Variants in ARAP2 observed in about 807,000 individuals in gnomAD.
ARAP2 encodes arf-GAP with Rho-GAP domain, ANK repeat and PH domain-containing protein 2.
ARAP2 carries 148 observed loss-of-function variants against 194.5 expected under a neutral mutation model. That is an observed-to-expected ratio of 0.76 (90% CI 0.67 to 0.87). ARAP2 has a LOEUF of 0.87. Among genes scored for constraint, ARAP2 ranks in the 40% least tolerant of loss-of-function variants. The probability of loss-of-function intolerance (pLI) is 0.00; values close to 1 mark genes in which losing one functional copy is unlikely to be tolerated. For synonymous variants in ARAP2, 695 were observed against 683.5 expected, an observed-to-expected ratio of 1.02 and a Z score of -0.26; for missense variants, 2,128 against 1,989.7, an observed-to-expected ratio of 1.07 and a Z score of -1.32.
chr4:36,181,416 G>T (rs1045001794), intron 8 of ARAP2, among the ~76,000 whole-genome samples: 2 of 152,022 alleles, frequency 1.3e-5, no homozygotes, highest in African/African-American at 4.8e-5. Context: ...AAAAAAAAGA[G>T]GTTTAAGAAA....
intron 1 of ARAP2, among the ~76,000 whole-genome samples, chr4:36,238,065 C>T (rs1349598815): frequency 6.6e-6 from 1 of 152,170 alleles, no homozygotes; most frequent in East Asian, 1.9e-4. Flanking sequence ...GGTTGTTTGG[C>T]ATCTCTCTCC....
At chr4:36,043,897 A>G (rs531240771) in intron 5 of ARAP2, among the ~76,000 whole-genome samples, 2 of 148,594 alleles carry the variant, frequency 1.3e-5, no homozygotes, top group South Asian at 4.4e-4. Flanking sequence ...GGAAAAAGGG[A>G]GAGGGAAAGA....
chr4:36,023,524 G>T (rs527762020), intron 5 of ARAP2, among the ~76,000 whole-genome samples: 3 of 152,042 alleles, frequency 2.0e-5, no homozygotes, highest in African/African-American at 7.2e-5. Flanking sequence ...ACAGAGAAGT[G>T]CAATAAAGTT....
intron 19 of ARAP2, among the ~76,000 whole-genome samples, chr4:36,135,492 T>A (rs998573978): frequency 3.3e-5 from 5 of 151,784 alleles, no homozygotes; most frequent in African/African-American, 1.2e-4. Context: ...CTTTATCTAT[T>A]GTTTCTATTT....
chr4:36,016,351 G>C (rs1715797344), intron 6 of ARAP2, among the ~76,000 whole-genome samples: 1 of 152,144 alleles, frequency 6.6e-6, no homozygotes, highest in African/African-American at 2.4e-5. Flanking sequence ...GAATAGAAGA[G>C]TATGAAAGCA....
At chr4:36,081,792 C>T (rs1357502340) in intron 30 of ARAP2, among the ~76,000 whole-genome samples, 3 of 151,190 alleles carry the variant, frequency 2.0e-5, no homozygotes, top group African/African-American at 4.9e-5. Context: ...GCTCAGTGAC[C>T]GATTAGACAC....
intron 1 of ARAP2, among the ~76,000 whole-genome samples, chr4:36,230,644 C>A (rs925809849): frequency 3.3e-5 from 5 of 152,166 alleles, no homozygotes; most frequent in African/African-American, 9.7e-5. Flanking sequence ...TATGAAAATG[C>A]ATATGTGCAA....
At chr4:36,056,692 GT>G (rs1313649285) in intron 2 of ARAP2, among the ~76,000 whole-genome samples, 1 of 151,914 alleles carries the variant, frequency 6.6e-6, no homozygotes, top group East Asian at 1.9e-4. Flanking sequence ...AGTGTGACCT[GT>G]TTTTGTCCCT....
In ARAP2 at chr4:36,229,203, A is replaced by G. The variant is rs761896161; in HGVS notation, c.284T>C (p.Val95Ala). The change falls in exon 2 of 33, where the codon GTT becomes GCT. Residue 95 changes from valine to alanine, a missense_variant. By Grantham distance (64) the Val-to-Ala change is moderately conservative (BLOSUM62 0). Coordinates refer to ENST00000303965, the MANE Select transcript of ARAP2 (RefSeq NM_015230.4). Reference protein sequence around the residue: ...KNDDPSKDYHVPSSDQNICIE... With the variant: ...KNDDPSKDYHAPSSDQNICIE... ...GCAGATATTCTGATCAGAAGATGGAACATGGTAATCCTTTGAAGGGTCATC... is the reference window on the plus strand; with the variant it reads ...GCAGATATTCTGATCAGAAGATGGAGCATGGTAATCCTTTGAAGGGTCATC... 3.7e-6 allele frequency: 6 copies of G among 1,614,054 alleles called. No individual in the cohort carries two copies. In the Admixed American group the frequency reaches 1.0e-4, roughly 27 times the overall value.
At chr4:36,121,897 A>G (rs748346094) in intron 22 of ARAP2, among the ~76,000 whole-genome samples, 2 of 151,714 alleles carry the variant, frequency 1.3e-5, no homozygotes, top group Non-Finnish European at 2.9e-5. Context: ...ATGCAATTAC[A>G]TTTTTCTTGG....
chr4:36,227,953 A>G (rs1560718630), intron 2 of ARAP2, among the ~76,000 whole-genome samples: 1 of 152,174 alleles, frequency 6.6e-6, no homozygotes, highest in Non-Finnish European at 1.5e-5. Flanking sequence ...CCTGCGTATA[A>G]GAACCTACAC....
chr4:36,189,477 T>C (rs778664560), intron 7 of ARAP2, among the ~76,000 whole-genome samples: 1 of 152,208 alleles, frequency 6.6e-6, no homozygotes, highest in Non-Finnish European at 1.5e-5. Flanking sequence ...ACAGTCATCC[T>C]ACAGTGCTAT....
chr4:36,176,736 G>A (rs1228122483), intron 9 of ARAP2, among the ~76,000 whole-genome samples: 1 of 152,124 alleles, frequency 6.6e-6, no homozygotes, highest in Non-Finnish European at 1.5e-5. Context: ...AAGAGTGCTT[G>A]ATGATGCCTT....
intron 19 of ARAP2, among the ~76,000 whole-genome samples, chr4:36,145,398 G>A (rs115038070): frequency 1.3e-5 from 2 of 152,078 alleles, no homozygotes; most frequent in Non-Finnish European, 2.9e-5. Flanking sequence ...GCAGCTGAAG[G>A]TCCTTATCCT....
chr4:36,228,548 T>G, intron 2 of ARAP2, 34 bp downstream of exon 2: 1 of 1,512,640 alleles, frequency 6.6e-7, no homozygotes, highest in African/African-American at 1.4e-5. Flanking sequence ...TTTCCTCAAA[T>G]TGAATATTTA....
At chr4:36,075,130 C>T (rs766659270) in intron 31 of ARAP2, among the ~76,000 whole-genome samples, 1 of 152,014 alleles carries the variant, frequency 6.6e-6, no homozygotes, top group Non-Finnish European at 1.5e-5. Flanking sequence ...AAAACATAAA[C>T]CTGGGAGAAA....
chr4:36,014,257 G>GAAAGAAAGAAAGAAAGAAAGA (rs1715177058), intron 8 of ARAP2, among the ~76,000 whole-genome samples: 4 of 134,628 alleles, frequency 3.0e-5, no homozygotes, highest in African/African-American at 1.2e-4. Context: ...AAGAAAGAAA[G>GAAAGAAAGAAAGAAAGAAAGA]AAAGAAAGAA....
intron 19 of ARAP2, among the ~76,000 whole-genome samples, chr4:36,140,191 G>T (rs1727963017): frequency 7.6e-6 from 1 of 131,292 alleles, no homozygotes; most frequent in African/African-American, 2.6e-5. Flanking sequence ...AGAGGGATTT[G>T]CTCATTCTTT....
rs537297851 is a variant in ARAP2, at chr4:36,200,049, T to G, written c.1488-6402A>C. On this transcript the variant is annotated intron_variant, in intron 6 of 32. Transcript: ENST00000303965. ...ATGTATGCATTTGATACTCTCCTAT[T>G]TAAAAATGTTAAATAACCAATTTAT... is the stretch of plus-strand genomic sequence containing the variant. Among the ~76,000 whole-genome samples the G allele has an allele frequency of 3.3e-4, 51 of 152,322 alleles. 1 individual carries two copies. Among genetic ancestry groups the G allele is most frequent in the Admixed American group, 1.0e-3 (16 of 15,302 alleles).
Sources: gnomAD v4.1 joint callset for allele counts (sites outside exome capture counted in the v4.1 genomes callset) on GRCh38, gnomAD v4.1.1 for gene constraint, MANE v1.5 for transcripts, NCBI Gene and HGNC (gene_info 2026-07-23, HGNC 2026-07-21) for gene names.